The following RBFOX1 variants were observed in gnomAD, a reference collection of about 807,000 sequenced individuals.
RBFOX1 encodes the protein RNA binding protein fox-1 homolog 1.
RBFOX1 carries 8 observed loss-of-function variants against 57.7 expected under a neutral mutation model. The ratio of observed to expected loss-of-function variants is 0.14; its 90% CI spans 0.08 to 0.25. The LOEUF (loss-of-function observed/expected upper bound fraction) is 0.25. Ranked by LOEUF, RBFOX1 falls within the 10% of genes least tolerant of loss-of-function variation. The pLI is 1.00. For missense variants in RBFOX1, 611 were observed against 548.5 expected, an observed-to-expected ratio of 1.11 and a Z score of -1.14; for synonymous variants, 326 against 222.4, an observed-to-expected ratio of 1.47 and a Z score of -4.15.
At chr16:7,367,913 C>CACAG (rs1555789598) in intron 4 of RBFOX1, among the ~76,000 whole-genome samples, 1 of 151,296 alleles carries the variant, frequency 6.6e-6, no homozygotes, top group Non-Finnish European at 1.5e-5. Flanking sequence ...CACACACACA[C>CACAG]AGACACTACA....
chr16:7,565,702 T>G (rs897330789), intron 5 of RBFOX1, among the ~76,000 whole-genome samples: 2 of 152,182 alleles, frequency 1.3e-5, no homozygotes, highest in African/African-American at 4.8e-5. Flanking sequence ...TCGAAGACAC[T>G]CAGAAGCTTT....
At chr16:6,424,784 T>C (rs1001167515) in intron 2 of RBFOX1, among the ~76,000 whole-genome samples, 2 of 152,136 alleles carry the variant, frequency 1.3e-5, no homozygotes, top group Non-Finnish European at 2.9e-5. Context: ...TGAAATGACG[T>C]TGCAACCATG....
At chr16:6,401,681 C>T (rs1355597432) in intron 2 of RBFOX1, among the ~76,000 whole-genome samples, 1 of 152,020 alleles carries the variant, frequency 6.6e-6, no homozygotes, top group East Asian at 1.9e-4. Flanking sequence ...TATTGCTGTT[C>T]CCAGAGTGAC....
chr16:6,553,877 C>T (rs1479245387), intron 2 of RBFOX1, among the ~76,000 whole-genome samples: 1 of 152,142 alleles, frequency 6.6e-6, no homozygotes, highest in Non-Finnish European at 1.5e-5. Flanking sequence ...ACTTACCTTC[C>T]TGGGAGTCGG....
At chr16:6,370,003 C>G (rs982386845) in intron 2 of RBFOX1, among the ~76,000 whole-genome samples, 7 of 152,116 alleles carry the variant, frequency 4.6e-5, no homozygotes, top group Non-Finnish European at 8.8e-5. Context: ...TCTTTAGTGT[C>G]TTTTAATCCA....
intron 3 of RBFOX1, among the ~76,000 whole-genome samples, chr16:6,921,087 A>G (rs1486604726): frequency 6.6e-6 from 1 of 152,152 alleles, no homozygotes; most frequent in Non-Finnish European, 1.5e-5. Context: ...CTCCTGCACC[A>G]TTCGTTAGCT....
intron 3 of RBFOX1, among the ~76,000 whole-genome samples, chr16:6,757,578 T>G (rs919744473): frequency 6.6e-6 from 1 of 152,082 alleles, no homozygotes; most frequent in South Asian, 2.1e-4. Flanking sequence ...TTCTCATTCA[T>G]ATGTGGGAGC....
At chr16:5,757,314 G>A (rs944510686) in intron 3 of RBFOX1, among the ~76,000 whole-genome samples, 1 of 149,006 alleles carries the variant, frequency 6.7e-6, no homozygotes, top group East Asian at 2.0e-4. Flanking sequence ...TCACTGCAAC[G>A]CTTGCCTCCT....
intron 4 of RBFOX1, among the ~76,000 whole-genome samples, chr16:7,194,547 C>A (rs984251745): frequency 6.6e-6 from 1 of 152,172 alleles, no homozygotes; most frequent in Non-Finnish European, 1.5e-5. Flanking sequence ...ATACTCATTA[C>A]TAAAACTCAA....
At position 6,858,809 on chromosome 16, in the gene RBFOX1, C is replaced by T. The variant is rs554940764; in HGVS notation, c.-15-193248C>T. ...ACCCAGAAATTAGAGCAGTGGCATT[C>T]GCCTCTGCTGGTTAGAAGTATAATC... On this transcript the variant is annotated intron_variant, in intron 3 of 15. Coordinates refer to ENST00000550418, the MANE Select transcript of RBFOX1 (RefSeq NM_018723.4). 1.3e-3 allele frequency among the ~76,000 whole-genome samples: 194 copies of T among 152,094 alleles called. 3 individuals are homozygous for T. The highest frequency in any genetic ancestry group is 6.8e-3 in the Middle Eastern group (2 of 294).
chr16:6,773,374 G>T (rs1603619414), intron 3 of RBFOX1, among the ~76,000 whole-genome samples: 1 of 143,058 alleles, frequency 7.0e-6, no homozygotes, highest in African/African-American at 2.6e-5. Context: ...TTGTGTGTGT[G>T]TGTGTGGGCG....
chr16:6,514,162 G>T (rs923251203), intron 2 of RBFOX1, among the ~76,000 whole-genome samples: 1 of 152,150 alleles, frequency 6.6e-6, no homozygotes, highest in African/African-American at 2.4e-5. Context: ...TGCTCTTTCT[G>T]CTTTTGAGCC....
At chr16:7,082,309 G>T (rs545729481) in intron 4 of RBFOX1, among the ~76,000 whole-genome samples, 4 of 152,234 alleles carry the variant, frequency 2.6e-5, no homozygotes, top group African/African-American at 9.6e-5. Flanking sequence ...GGCTGGGCGT[G>T]GTCGTTTCTG....
chr16:6,417,452 C>T (rs1194354200), intron 2 of RBFOX1, among the ~76,000 whole-genome samples: 1 of 135,858 alleles, frequency 7.4e-6, no homozygotes, highest in Non-Finnish European at 1.5e-5. Flanking sequence ...TGCAGTGGCA[C>T]TGTGTTGGCT....
chr16:6,608,553 C>T (rs2097982769), intron 2 of RBFOX1, among the ~76,000 whole-genome samples: 1 of 152,102 alleles, frequency 6.6e-6, no homozygotes, highest in South Asian at 2.1e-4. Context: ...TTTTGGAAGG[C>T]TGAGGTGGGA....
intron 1 of RBFOX1, among the ~76,000 whole-genome samples, chr16:5,418,878 A>G (rs1375968906): frequency 6.6e-6 from 1 of 152,160 alleles, no homozygotes; most frequent in Non-Finnish European, 1.5e-5. Flanking sequence ...AGATACCCAA[A>G]CTGAGAATTA....
chr16:6,315,792 T>A (rs1033120260), intron 1 of RBFOX1, among the ~76,000 whole-genome samples: 4 of 152,184 alleles, frequency 2.6e-5, no homozygotes, highest in Non-Finnish European at 5.9e-5. Flanking sequence ...CACCCCTCTT[T>A]CCAATATTTT....
chr16:6,480,788 G>T (rs1019710393), intron 2 of RBFOX1, among the ~76,000 whole-genome samples: 1 of 152,088 alleles, frequency 6.6e-6, no homozygotes, highest in South Asian at 2.1e-4. Context: ...ATATATATTT[G>T]TACCTTATAG....
chr16:5,950,055 T>C (rs1200225584), intron 4 of RBFOX1, among the ~76,000 whole-genome samples: 2 of 152,266 alleles, frequency 1.3e-5, no homozygotes, highest in Admixed American at 1.3e-4. Flanking sequence ...CTCTAATCAA[T>C]CAGTGATAGA....
Sources: gnomAD v4.1 joint callset for allele counts (sites outside exome capture counted in the v4.1 genomes callset) on GRCh38, gnomAD v4.1.1 for gene constraint, MANE v1.5 for transcripts, NCBI Gene and HGNC (gene_info 2026-07-23, HGNC 2026-07-21) for gene names.